Variants in CFTR observed in about 807,000 individuals in gnomAD.
CFTR encodes the protein cystic fibrosis transmembrane conductance regulator.
Under a neutral mutation model 171.6 loss-of-function variants are expected in CFTR, and 181 were observed. The ratio of observed to expected loss-of-function variants is 1.05; its 90% CI spans 0.93 to 1.19. The LOEUF (loss-of-function observed/expected upper bound fraction) is 1.19. Ranked by LOEUF, CFTR falls within the 50% of genes most tolerant of loss-of-function variation. The pLI, the probability that CFTR is intolerant of heterozygous loss-of-function variation, is 0.00. For missense variants in CFTR, 1,968 were observed against 1,734.7 expected, an observed-to-expected ratio of 1.13 and a Z score of -2.39; for synonymous variants, 583 against 608.0, an observed-to-expected ratio of 0.96 and a Z score of 0.60.
At chr7:117,587,594 A>T in intron 11 of CFTR, 145 bp from the exon 12 acceptor site, 1 of 578,684 alleles carries the variant, frequency 1.7e-6, no homozygotes. Context: ...ATTGCATTTG[A>T]AATAATGGAG....
chr7:117,503,069 T>G (rs1445782557), intron 1 of CFTR, among the ~76,000 whole-genome samples: 2 of 152,210 alleles, frequency 1.3e-5, no homozygotes, highest in Non-Finnish European at 2.9e-5. Context: ...GGCAAAGTTT[T>G]GCCCCAGAAC....
intron 23 of CFTR, among the ~76,000 whole-genome samples, chr7:117,649,422 G>T (rs1332161224): frequency 7.0e-6 from 1 of 142,760 alleles, no homozygotes; most frequent in Non-Finnish European, 1.5e-5. Flanking sequence ...ATATACATAT[G>T]TATATATACC....
At chr7:117,579,004 A>C (rs534180313) in intron 11 of CFTR, among the ~76,000 whole-genome samples, 1 of 152,196 alleles carries the variant, frequency 6.6e-6, no homozygotes, top group South Asian at 2.1e-4. Context: ...CATGTTAGCT[A>C]TATGATAAGA....
chr7:117,500,176 A>G (rs1164923664), intron 1 of CFTR, among the ~76,000 whole-genome samples: 2 of 151,900 alleles, frequency 1.3e-5, no homozygotes, highest in Non-Finnish European at 2.9e-5. Context: ...CTAATATTTC[A>G]TAAAGTGTCT....
intron 15 of CFTR, among the ~76,000 whole-genome samples, chr7:117,601,831 C>T (rs1245438354): frequency 1.3e-5 from 2 of 152,112 alleles, no homozygotes; most frequent in African/African-American, 4.8e-5. Flanking sequence ...CACAGATGAT[C>T]TAAATATAAA....
chr7:117,658,322 G>A (rs571171699), intron 24 of CFTR, among the ~76,000 whole-genome samples: 13 of 152,118 alleles, frequency 8.5e-5, no homozygotes, highest in African/African-American at 2.9e-4. Flanking sequence ...TGTAAAATGG[G>A]CCCAGCGCAG....
In CFTR at chr7:117,592,349, T is replaced by G; in HGVS notation, c.2182T>G (p.Ser728Ala). The G allele has an allele frequency of 6.2e-7, 1 of 1,614,214 alleles. No homozygotes were observed. Among genetic ancestry groups the G allele is most frequent in the East Asian group, 2.2e-5 (1 of 44,892 alleles). The stretch of plus-strand genomic sequence containing the variant: ...ACAAATGAATGGCATCGAAGAGGAT[T>G]CTGATGAGCCTTTAGAGAGAAGGCT... ...PLQMNGIEED[S>A]DEPLERRLSL... The change falls in exon 14 of 27, where the codon TCT (serine) becomes GCT (alanine). Residue 728 changes from serine to alanine, a missense_variant. Transcript: ENST00000003084.
At chr7:117,490,232 GTAT>G (rs1798135815) in intron 1 of CFTR, among the ~76,000 whole-genome samples, 1 of 150,634 alleles carries the variant, frequency 6.6e-6, no homozygotes, top group Non-Finnish European at 1.5e-5. Flanking sequence ...ACATGGCACA[GTAT>G]TATTATGATA....
chr7:117,511,673 A>T, intron 3 of CFTR, among the ~76,000 whole-genome samples: 1 of 152,212 alleles, frequency 6.6e-6, no homozygotes, highest in East Asian at 1.9e-4. Context: ...ATGAGGCTGC[A>T]GGTTTTTCAC....
chr7:117,508,099 A>AGCCATGTT (rs1207292692), intron 2 of CFTR, among the ~76,000 whole-genome samples: 2 of 152,200 alleles, frequency 1.3e-5, no homozygotes, highest in African/African-American at 2.4e-5. Flanking sequence ...AGTGATTTAG[A>AGCCATGTT]GCCATGTTTA....
At chr7:117,635,151 T>G (rs981578737) in intron 22 of CFTR, among the ~76,000 whole-genome samples, 5 of 152,168 alleles carry the variant, frequency 3.3e-5, no homozygotes, top group East Asian at 3.8e-4. Context: ...AACATACACA[T>G]GAAGAATTGG....
In CFTR at chr7:117,592,191, C is replaced by T. The variant is rs1383435025; in HGVS notation, c.2024C>T (p.Ala675Val). ...TLHRFSLEGD[A>V]PVSWTETKKQ... ...CACCGTTTCTCATTAGAAGGAGATG[C>T]TCCTGTCTCCTGGACAGAAACAAAA... Residue 675 changes from alanine to valine, a missense_variant, in exon 14 of 27, where the codon GCT (alanine) becomes GTT (valine). Transcript: ENST00000003084. 1 of 1,613,820 alleles carries T rather than the reference C, an allele frequency of 6.2e-7. No individual in the cohort carries two copies. Among genetic ancestry groups the T allele is most frequent in the Non-Finnish European group, 8.5e-7 (1 of 1,179,934 alleles).
rs1175785907 is a variant in CFTR, at chr7:117,519,643, G to C, written c.273+10501G>C. On this transcript the variant is annotated intron_variant, in intron 3 of 26. Transcript: ENST00000003084. ...TTAATCCTTCCAGCTTTTTCCCATGGGAATTTATACTTAATAAAGGGGAGA... is the reference window on the plus strand; with the variant it reads ...TTAATCCTTCCAGCTTTTTCCCATGCGAATTTATACTTAATAAAGGGGAGA... Among the ~76,000 whole-genome samples the C allele has an allele frequency of 2.6e-5, 4 of 151,672 alleles. No homozygotes were observed. In the East Asian group the frequency reaches 7.7e-4, roughly 29 times the overall value.
chr7:117,597,922 T>C (rs1213377552), intron 15 of CFTR, among the ~76,000 whole-genome samples: 2 of 152,074 alleles, frequency 1.3e-5, no homozygotes, highest in African/African-American at 2.4e-5. Context: ...GGCTTTTCTA[T>C]GGATCATGAG....
At chr7:117,644,127 T>G (rs1445471897) in intron 23 of CFTR, among the ~76,000 whole-genome samples, 1 of 152,110 alleles carries the variant, frequency 6.6e-6, no homozygotes, top group Non-Finnish European at 1.5e-5. Context: ...AAAAATACGT[T>G]CAGAGATTCC....
chr7:117,534,760 T>C (rs1278137210), intron 5 of CFTR, among the ~76,000 whole-genome samples: 1 of 152,190 alleles, frequency 6.6e-6, no homozygotes, highest in Admixed American at 6.6e-5. Flanking sequence ...TCTTTGCATA[T>C]CCATTACTTA....
At chr7:117,622,188 A>C (rs1792592795) in intron 21 of CFTR, among the ~76,000 whole-genome samples, 1 of 152,212 alleles carries the variant, frequency 6.6e-6, no homozygotes, top group Non-Finnish European at 1.5e-5. Context: ...TGCTGTTAAT[A>C]ATTTATAGCA....
intron 7 of CFTR, among the ~76,000 whole-genome samples, chr7:117,538,876 G>A (rs1228873762): frequency 6.6e-6 from 1 of 152,158 alleles, no homozygotes; most frequent in Non-Finnish European, 1.5e-5. Flanking sequence ...TTGCAATCCG[G>A]GTTGGGCACA....
At chr7:117,566,552 A>G (rs2115960545) in intron 11 of CFTR, among the ~76,000 whole-genome samples, 1 of 152,226 alleles carries the variant, frequency 6.6e-6, no homozygotes, top group South Asian at 2.1e-4. Flanking sequence ...TAGGTAATTA[A>G]GCTTCAAAGT....
Sources: allele counts gnomAD v4.1 joint callset (sites outside exome capture counted in the v4.1 genomes callset), GRCh38; gene constraint gnomAD v4.1.1; transcripts MANE v1.5; gene names NCBI Gene and HGNC (gene_info 2026-07-23, HGNC 2026-07-21).